Variants in CBX7 observed in about 807,000 individuals in gnomAD.
CBX7 encodes the protein chromobox protein homolog 7.
A neutral mutation model predicts 31.4 loss-of-function variants in CBX7; 14 were observed. The ratio of observed to expected loss-of-function variants is 0.45; its 90% CI spans 0.29 to 0.70. CBX7 has a LOEUF of 0.70. Among genes scored for constraint, CBX7 ranks in the 30% least tolerant of loss-of-function variants. The pLI is 0.11. For synonymous variants in CBX7, 159 were observed against 152.6 expected (o/e 1.04, Z -0.31); for missense variants, 269 against 351.9 (o/e 0.76, Z 1.89).
chr22:39,133,054 A>G lies in CBX7; in HGVS notation c.*837T>C, dbSNP rs2146347968. ...AAGCCGCAAGCAGGTAGCAAGGTGC[A>G]TGCAAGGTGGGGTGAGTGCAGGTGT... is the stretch of plus-strand genomic sequence containing the variant. On this transcript the variant is annotated 3_prime_UTR_variant, in exon 6 of 6. Coordinates refer to ENST00000216133, the MANE Select transcript of CBX7 (RefSeq NM_175709.5). 6.6e-6 allele frequency: 1 copy of G among 152,422 alleles called. No homozygotes were observed. The allele number at this position is 152,422 out of a possible 1,614,324, so 9.4% of individuals were successfully genotyped here.
chr22:39,149,776 T>C lies in CBX7; in HGVS notation c.113+13A>G. 2 of 1,612,952 alleles carry C rather than the reference T, an allele frequency of 1.2e-6. No individual in the cohort carries two copies. Among genetic ancestry groups the C allele is most frequent in the Non-Finnish European group, 8.5e-7 (1 of 1,179,220 alleles). ...AGGCAGACAGACAGACACACACACA[T>C]GAAGGAGCTTACTTTGGGGGCCATC... On this transcript the variant is annotated intron_variant, in intron 2 of 5. Transcript: ENST00000216133.
chr22:39,152,303 G>A lies in CBX7; in HGVS notation c.69+73C>T. On this transcript the variant is annotated intron_variant, in intron 1 of 5. Transcript: ENST00000216133. This position sits in a 1 kb window ranked among gnomAD's most constrained non-coding sequence, Gnocchi z 4.9. ...CGCCCCGCTTTCCCCTTCAGCCCCA[G>A]CGTGGAGGGAGCGGTGCTGGGGACG... 1 of 1,028,264 alleles carries A rather than the reference G, an allele frequency of 9.7e-7. No individual in the cohort carries two copies. Among genetic ancestry groups the A allele is most frequent in the Non-Finnish European group, 1.3e-6 (1 of 789,792 alleles). The allele number at this position is 1,028,264 out of a possible 1,614,324, so 63.7% of individuals were successfully genotyped here.
In CBX7 at chr22:39,152,394, C is replaced by A; in HGVS notation, c.51G>T (p.Arg17=). ...GCCTCACCTTCCGCACGCGCTTCTT[C>A]CGGATGCTCTCCACGGCGAACACCT... is the stretch of plus-strand genomic sequence containing the variant. ...GEQVFAVESI[R]KKRVRKGKVE... Residue 17 remains arginine (R), a synonymous_variant, in exon 1 of 6, where the codon CGG becomes CGT. Coordinates refer to ENST00000216133, the MANE Select transcript of CBX7 (RefSeq NM_175709.5). This position sits in a 1 kb window ranked among gnomAD's most constrained non-coding sequence, Gnocchi z 4.9. 7.2e-7 allele frequency: 1 copy of A among 1,395,488 alleles called. No homozygotes were observed. The highest frequency in any genetic ancestry group is 1.5e-5 in the African/African-American group (1 of 67,760). 86.4% of individuals were successfully genotyped at this position (1,395,488 alleles called of 1,614,324 possible).
At chr22:39,144,854 C>A (rs1460587550) in intron 2 of CBX7, among the ~76,000 whole-genome samples, 2 of 152,270 alleles carry the variant, frequency 1.3e-5, no homozygotes, top group African/African-American at 4.8e-5. Flanking sequence ...CACCCATCCT[C>A]AAAAGGCGCT....
intron 4 of CBX7, chr22:39,136,133 A>C (rs1312019499): frequency 6.6e-6 from 1 of 150,916 alleles, no homozygotes; most frequent in East Asian, 1.9e-4. Context: ...ACATTCTACC[A>C]TTCTGCAAGG....
rs1274017509 is a variant in CBX7, at chr22:39,152,043, G to A, written c.69+333C>T. On this transcript the variant is annotated intron_variant, in intron 1 of 5. Transcript: ENST00000216133. The surrounding 1 kb of genome is among the most constrained non-coding windows in gnomAD (Gnocchi z 4.9). ...ACCCAGCTCTGACCATAACGCGCTA[G>A]GCAAGTCCTTTCAACTTGGGCCTCA... is the stretch of plus-strand genomic sequence containing the variant. Among the ~76,000 whole-genome samples, 1 of 152,178 alleles carries A rather than the reference G, an allele frequency of 6.6e-6. No homozygotes were observed. The highest frequency in any genetic ancestry group is 2.1e-4 in the South Asian group (1 of 4,838).
At position 39,152,319 on chromosome 22, in the gene CBX7, G is replaced by A; in HGVS notation, c.69+57C>T. 1 of 1,182,028 alleles carries A rather than the reference G, an allele frequency of 8.5e-7. No individual in the cohort carries two copies. Among genetic ancestry groups the A allele is most frequent in the Non-Finnish European group, 1.1e-6 (1 of 911,272 alleles). 73.2% of individuals were successfully genotyped at this position (1,182,028 alleles called of 1,614,324 possible). On this transcript the variant is annotated intron_variant, in intron 1 of 5. Transcript: ENST00000216133. This position sits in a 1 kb window ranked among gnomAD's most constrained non-coding sequence, Gnocchi z 4.9. ...TCAGCCCCAGCGTGGAGGGAGCGGT[G>A]CTGGGGACGGGAGGGACCCCACTGG...
intron 2 of CBX7, 141 bp downstream of exon 2, chr22:39,149,645 AGAT>A: frequency 9.6e-6 from 7 of 726,114 alleles, no homozygotes; most frequent in South Asian, 4.8e-5. Flanking sequence ...GGCCCAGAGA[AGAT>A]GATGATTAAA....
In CBX7 at chr22:39,152,347, T is replaced by C. The variant is rs1444849112; in HGVS notation, c.69+29A>G. 3.7e-6 allele frequency: 5 copies of C among 1,362,274 alleles called. No homozygotes were observed. Among genetic ancestry groups the C allele is most frequent in the Non-Finnish European group, 4.8e-6 (5 of 1,048,452 alleles). 84.4% of individuals were successfully genotyped at this position (1,362,274 alleles called of 1,614,324 possible). Reference sequence around the variant, plus strand: ...GGGGACGGGAGGGACCCCACTGGGGTCCTGGGAGCCGCCCCCGGGCAGCCT... The same window carrying C: ...GGGGACGGGAGGGACCCCACTGGGGCCCTGGGAGCCGCCCCCGGGCAGCCT... On this transcript the variant is annotated intron_variant, in intron 1 of 5. Transcript: ENST00000216133. This position sits in a 1 kb window ranked among gnomAD's most constrained non-coding sequence, Gnocchi z 4.9.
intron 4 of CBX7, among the ~76,000 whole-genome samples, chr22:39,138,050 G>C (rs894818392): frequency 6.6e-6 from 1 of 152,018 alleles, no homozygotes; most frequent in African/African-American, 2.4e-5. Flanking sequence ...GCGTGGTGGC[G>C]GGCGCCTGTA....
intron 2 of CBX7, among the ~76,000 whole-genome samples, chr22:39,141,991 C>T (rs567150622): frequency 6.6e-6 from 1 of 152,304 alleles, no homozygotes; most frequent in African/African-American, 2.4e-5. Flanking sequence ...TCCACAATCA[C>T]TAGAGACCCT....
intron 2 of CBX7, among the ~76,000 whole-genome samples, chr22:39,144,133 G>A (rs1480165399): frequency 1.3e-5 from 2 of 152,070 alleles, no homozygotes; most frequent in African/African-American, 4.8e-5. Flanking sequence ...ACTACCTAAC[G>A]CTAGTTCAGT....
In CBX7 at chr22:39,143,822, C is replaced by T. The variant is rs1335622161; in HGVS notation, c.114-2386G>A. ...AGCAGACTCTATTACACAGCCCAGG[C>T]GTGCAGTGGGTTGTACCATCTAGGT... On this transcript the variant is annotated intron_variant, in intron 2 of 5. Transcript: ENST00000216133. Among the ~76,000 whole-genome samples, 4 of 151,438 alleles carry T rather than the reference C, an allele frequency of 2.6e-5. No homozygotes were observed. In the East Asian group the frequency reaches 7.7e-4, roughly 29 times the overall value.
At chr22:39,151,049 C>T (rs1453152912) in intron 1 of CBX7, among the ~76,000 whole-genome samples, 3 of 152,166 alleles carry the variant, frequency 2.0e-5, no homozygotes, top group Admixed American at 1.3e-4. Context: ...GTGCCTGGTA[C>T]CTGACCAACC....
At chr22:39,149,431 G>C in intron 2 of CBX7, 2 of 391,946 alleles carry the variant, frequency 5.1e-6, no homozygotes, top group South Asian at 5.5e-5. Flanking sequence ...TAAAGCAGCT[G>C]GGGTCCCCTC....
In CBX7 at chr22:39,145,495, A is replaced by G. The variant is rs1338580573; in HGVS notation, c.114-4059T>C. Among the ~76,000 whole-genome samples, 3 of 152,024 alleles carry G rather than the reference A, an allele frequency of 2.0e-5. No individual in the cohort carries two copies. The East Asian group carries it at 5.9e-4, about 30-fold the overall frequency. ...ACACCCTTCCCACACCAGGGGAGGGAGAGTGGAAAGGAGCCAGGGCTCTGG... is the reference window on the plus strand; with the variant it reads ...ACACCCTTCCCACACCAGGGGAGGGGGAGTGGAAAGGAGCCAGGGCTCTGG... On this transcript the variant is annotated intron_variant, in intron 2 of 5. Coordinates refer to ENST00000216133, the MANE Select transcript of CBX7 (RefSeq NM_175709.5).
intron 2 of CBX7, chr22:39,148,313 C>CA (rs1202407603): frequency 1.3e-5 from 2 of 152,244 alleles, no homozygotes; most frequent in African/African-American, 4.8e-5. Flanking sequence ...CAGGATCAAT[C>CA]AAAGTGGGGG....
intron 2 of CBX7, among the ~76,000 whole-genome samples, chr22:39,142,923 A>C (rs1331799463): frequency 6.6e-6 from 1 of 151,512 alleles, no homozygotes; most frequent in Non-Finnish European, 1.5e-5. Context: ...TTTGTGTCTT[A>C]GGTTTCAAAA....
At chr22:39,144,508 C>T (rs1930572393) in intron 2 of CBX7, among the ~76,000 whole-genome samples, 2 of 152,224 alleles carry the variant, frequency 1.3e-5, no homozygotes, top group African/African-American at 4.8e-5. Context: ...CAAAGTGGCC[C>T]GCTCAGGCCC....
Sources: gnomAD v4.1 joint callset for allele counts (sites outside exome capture counted in the v4.1 genomes callset) on GRCh38, gnomAD v4.1.1 for gene constraint, Gnocchi (gnomAD v3.1) non-coding constraint, MANE v1.5 for transcripts, NCBI Gene and HGNC (gene_info 2026-07-23, HGNC 2026-07-21) for gene names.